The following SH2D1A variants were observed in gnomAD, a reference collection of about 807,000 sequenced individuals.
SH2D1A encodes the protein SH2 domain-containing protein 1A.
In SH2D1A, 6 loss-of-function variants were observed where a neutral mutation model predicts 10.1. The observed-to-expected ratio is 0.60, with a 90% CI of 0.33 to 1.18. The LOEUF is 1.18. SH2D1A is among the 50% of genes most tolerant of loss of function. The probability of loss-of-function intolerance (pLI) is 0.04; values close to 1 mark genes in which losing one functional copy is unlikely to be tolerated. For missense variants in SH2D1A, 51 were observed against 97.6 expected (o/e 0.52, Z 2.01); for synonymous variants, 42 against 36.9 (o/e 1.14, Z -0.51).
intron 3 of SH2D1A, among the ~76,000 whole-genome samples, chrX:124,370,739 G>A (rs1045055082): frequency 4.5e-5 from 5 of 112,087 alleles, no homozygotes; most frequent in African/African-American, 1.6e-4. Context: ...GAAAGCTAAC[G>A]TTAGCCTGGC....
rs2060065819 is a variant in SH2D1A, at chrX:124,370,167, A to G, written c.202-9A>G. 2 of 1,196,136 alleles carry G rather than the reference A, an allele frequency of 1.7e-6. No individual in the cohort carries two copies. Among genetic ancestry groups the G allele is most frequent in the Non-Finnish European group, 2.3e-6 (2 of 881,381 alleles). ...AGGTAAATAATTTGCTTGGCCTTTTATTTTCCAGACAGCACCTGGGGTACA... is the reference window on the plus strand; with the variant it reads ...AGGTAAATAATTTGCTTGGCCTTTTGTTTTCCAGACAGCACCTGGGGTACA... On this transcript the variant is annotated splice_polypyrimidine_tract_variant and intron_variant, in intron 2 of 3. Transcript: ENST00000371139.
At chrX:124,352,486 C>G (rs1330230097) in intron 1 of SH2D1A, among the ~76,000 whole-genome samples, 1 of 111,360 alleles carries the variant, frequency 9.0e-6, no homozygotes, top group African/African-American at 3.3e-5. Context: ...ATTCATTGGA[C>G]CAAATGTTTT....
At chrX:124,346,808 G>A in intron 1 of SH2D1A, 29 bp downstream of exon 1, 2 of 1,209,453 alleles carry the variant, frequency 1.7e-6, no homozygotes, top group South Asian at 1.8e-5. Flanking sequence ...ACATGGGCCT[G>A]CTGAGGGTGT....
chrX:124,365,028 A>G (rs1364603929), intron 1 of SH2D1A, among the ~76,000 whole-genome samples: 3 of 111,106 alleles, frequency 2.7e-5, no homozygotes, highest in South Asian at 3.8e-4. Flanking sequence ...TGCATACAGT[A>G]TTCTGTACAG....
At chrX:124,359,677 A>C (rs1378955462) in intron 1 of SH2D1A, among the ~76,000 whole-genome samples, 2 of 112,007 alleles carry the variant, frequency 1.8e-5, no homozygotes, top group Non-Finnish European at 3.8e-5. Context: ...TTAACATTGT[A>C]ATATTGTATA....
intron 1 of SH2D1A, among the ~76,000 whole-genome samples, chrX:124,363,060 C>A (rs2060044089): frequency 9.0e-6 from 1 of 111,533 alleles, no homozygotes; most frequent in South Asian, 3.8e-4. Context: ...AAGTAAATTT[C>A]TTTTATTTAT....
At chrX:124,348,921 A>G (rs1313347357) in intron 1 of SH2D1A, among the ~76,000 whole-genome samples, 1 of 112,141 alleles carries the variant, frequency 8.9e-6, no homozygotes, top group African/African-American at 3.2e-5. Context: ...CAGTTTCCAT[A>G]TTTATAAAAC....
chrX:124,369,718 G>A (rs1023873147), intron 2 of SH2D1A, among the ~76,000 whole-genome samples: 1 of 112,062 alleles, frequency 8.9e-6, no homozygotes, highest in African/African-American at 3.2e-5. Context: ...ATGATGGCAG[G>A]GAGGATGGGT....
chrX:124,347,051 G>A (rs1375262610), intron 1 of SH2D1A, among the ~76,000 whole-genome samples: 1 of 108,440 alleles, frequency 9.2e-6, no homozygotes, highest in Non-Finnish European at 2.0e-5. Context: ...ATGCCATTTC[G>A]GGTGGTGAAA....
chrX:124,355,910 T>C (rs2060025078), intron 1 of SH2D1A, among the ~76,000 whole-genome samples: 1 of 111,585 alleles, frequency 9.0e-6, no homozygotes, highest in African/African-American at 3.3e-5. Context: ...TTTTTTGTTT[T>C]GTGTGTGTTT....
At chrX:124,370,576 C>T (rs1236487992) in intron 3 of SH2D1A, among the ~76,000 whole-genome samples, 2 of 112,143 alleles carry the variant, frequency 1.8e-5, no homozygotes, top group Non-Finnish European at 3.8e-5. Context: ...TTGTCTGTCT[C>T]ATCTTGTTCT....
chrX:124,365,085 A>C (rs940519132), intron 1 of SH2D1A, among the ~76,000 whole-genome samples: 1 of 111,154 alleles, frequency 9.0e-6, no homozygotes, highest in African/African-American at 3.3e-5. Context: ...GCTATACCAC[A>C]TAGCCTAGGT....
At chrX:124,366,365 G>C (rs1407371241) in intron 2 of SH2D1A, among the ~76,000 whole-genome samples, 1 of 110,703 alleles carries the variant, frequency 9.0e-6, no homozygotes, top group Non-Finnish European at 1.9e-5. Context: ...ACTTTTCTGT[G>C]AGCCAGTTTC....
chrX:124,356,929 A>G (rs939327785), intron 1 of SH2D1A, among the ~76,000 whole-genome samples: 4 of 112,534 alleles, frequency 3.6e-5, no homozygotes, highest in Non-Finnish European at 7.5e-5. Context: ...ATACATGTGT[A>G]ATAGCTAAAT....
chrX:124,354,161 C>T (rs1360488398), intron 1 of SH2D1A, among the ~76,000 whole-genome samples: 1 of 111,899 alleles, frequency 8.9e-6, no homozygotes, highest in African/African-American at 3.2e-5. Context: ...TGAAAGCCAG[C>T]CTAGGATTGT....
intron 1 of SH2D1A, among the ~76,000 whole-genome samples, chrX:124,364,937 C>G (rs1182997852): frequency 9.0e-6 from 1 of 110,636 alleles, no homozygotes; most frequent in African/African-American, 3.3e-5. Flanking sequence ...GTATAGCATT[C>G]TTTATCTTTT....
chrX:124,365,851 G>A (rs2060052903), intron 2 of SH2D1A, 27 bp downstream of exon 2: 1 of 984,308 alleles, frequency 1.0e-6, no homozygotes. Context: ...TTTTGCTTCT[G>A]GGGGTGTCAA....
chrX:124,359,266 G>A (rs1235103753), intron 1 of SH2D1A, among the ~76,000 whole-genome samples: 1 of 111,895 alleles, frequency 8.9e-6, no homozygotes, highest in African/African-American at 3.2e-5. Context: ...TCTCAAAACA[G>A]ACTCATTTAC....
chrX:124,346,822 C>T (rs747430525), intron 1 of SH2D1A, 43 bp downstream of exon 1: 13 of 1,201,730 alleles, frequency 1.1e-5, no homozygotes, highest in Non-Finnish European at 1.5e-5. Context: ...AGGGTGTGGG[C>T]GGTGGGCAAC....
Sources: allele counts gnomAD v4.1 joint callset (sites outside exome capture counted in the v4.1 genomes callset), GRCh38; gene constraint gnomAD v4.1.1; transcripts MANE v1.5; gene names NCBI Gene and HGNC (gene_info 2026-07-23, HGNC 2026-07-21).